LRBA: variants seen among roughly 807,000 people sequenced by gnomAD.
LRBA encodes the protein LPS responsive beige-like anchor protein, also known as lipopolysaccharide-responsive and beige-like anchor protein.
In LRBA, 176 loss-of-function variants were observed where a neutral mutation model predicts 330.0. That is an observed-to-expected ratio of 0.53 (90% confidence interval 0.47 to 0.60). The LOEUF (loss-of-function observed/expected upper bound fraction) is 0.60, where lower values mean the gene tolerates loss of function less well. Ranked by LOEUF, LRBA falls within the 20% of genes least tolerant of loss-of-function variation. The pLI, the probability that LRBA is intolerant of heterozygous loss-of-function variation, is 0.00. For missense variants in LRBA, 3,259 were observed against 3,444.8 expected (o/e 0.95, Z 1.35); for synonymous variants, 1,230 against 1,193.0 (o/e 1.03, Z -0.64).
intron 37 of LRBA, among the ~76,000 whole-genome samples, chr4:150,650,777 A>G (rs1442979416): frequency 6.6e-6 from 1 of 152,160 alleles, no homozygotes; most frequent in Non-Finnish European, 1.5e-5. Context: ...GTTTTACTTC[A>G]TTAGACAAAA....
chr4:150,796,753 T>A (rs1374477422), intron 34 of LRBA, among the ~76,000 whole-genome samples: 1 of 151,948 alleles, frequency 6.6e-6, no homozygotes, highest in Non-Finnish European at 1.5e-5. Flanking sequence ...ACCTATGAAA[T>A]AATTATATCA....
chr4:150,415,700 A>G, intron 46 of LRBA, 110 bp from the exon 47 acceptor site: 1 of 668,422 alleles, frequency 1.5e-6, no homozygotes, highest in Non-Finnish European at 2.5e-6. Context: ...AAATAAACAC[A>G]GGGAATTTTT....
intron 2 of LRBA, among the ~76,000 whole-genome samples, chr4:150,952,885 G>A (rs762176503): frequency 2.6e-5 from 4 of 152,066 alleles, no homozygotes; most frequent in Non-Finnish European, 5.9e-5. Context: ...CTCTGTGTAT[G>A]TGTCCATCTT....
chr4:150,865,536 T>C (rs962567031), intron 22 of LRBA, among the ~76,000 whole-genome samples: 3 of 152,186 alleles, frequency 2.0e-5, no homozygotes, highest in African/African-American at 7.2e-5. Flanking sequence ...AGCCATTTTA[T>C]AAAATCAGAT....
At chr4:150,855,898 A>C (rs373743898) in intron 22 of LRBA, among the ~76,000 whole-genome samples, 2 of 152,200 alleles carry the variant, frequency 1.3e-5, no homozygotes, top group Non-Finnish European at 2.9e-5. Context: ...CAAGATACAC[A>C]GAATCTGTGA....
At chr4:150,362,969 A>C (rs1181929080) in intron 47 of LRBA, among the ~76,000 whole-genome samples, 2 of 151,962 alleles carry the variant, frequency 1.3e-5, no homozygotes, top group Admixed American at 6.6e-5. Flanking sequence ...AATACAAAAA[A>C]ATAAAAAATA....
rs1210776665 is a variant in LRBA at position 150,436,720 on chromosome 4, T to C, written c.6921+4A>G. The C allele has an allele frequency of 3.1e-6, 5 of 1,609,794 alleles. No individual in the cohort carries two copies. Among genetic ancestry groups the C allele is most frequent in the Middle Eastern group, 1.6e-4 (1 of 6,066 alleles). On this transcript the variant is annotated splice_donor_region_variant and intron_variant, in intron 45 of 56. Transcript: ENST00000651943. ...CCATGGTGTATTATTCAAATTGAAC[T>C]TACTATTCTTAGCAGCCATGCAAGA...
At chr4:150,788,757 T>C (rs1225313763) in intron 34 of LRBA, among the ~76,000 whole-genome samples, 6 of 63,288 alleles carry the variant, frequency 9.5e-5, no homozygotes, top group East Asian at 3.3e-4. Flanking sequence ...TGAGACTTCG[T>C]CTCCAAAAAA....
intron 40 of LRBA, among the ~76,000 whole-genome samples, chr4:150,498,357 A>T (rs1759829471): frequency 6.6e-6 from 1 of 152,298 alleles, no homozygotes; most frequent in South Asian, 2.1e-4. Context: ...TCTCTTATTC[A>T]ACTAGCATTA....
rs369969505 is a variant in LRBA, at chr4:150,828,303, C to T, written c.5048G>A (p.Arg1683Gln). ...SKNVNVKDIL[R>Q]SLVNIPADGV... is the part of the protein sequence containing the mutation. ...ATCTGCTGGTATGTTAACCAAGCTTCGGAGAATGTCTTTCACATTGACGTT... is the reference window on the plus strand; with the variant it reads ...ATCTGCTGGTATGTTAACCAAGCTTTGGAGAATGTCTTTCACATTGACGTT... The change falls in exon 30 of 57, where the codon CGA (arginine) becomes CAA (glutamine). Residue 1683 changes from arginine to glutamine, a missense_variant. Transcript: ENST00000651943. The T allele has an allele frequency of 4.3e-6, 7 of 1,614,018 alleles. No individual in the cohort carries two copies. The highest frequency in any genetic ancestry group is 2.2e-5 in the South Asian group (2 of 91,088).
rs538927123 is a variant in LRBA, at chr4:150,416,105, G to A, written c.7042-515C>T. Among the ~76,000 whole-genome samples the A allele has an allele frequency of 2.2e-4, 34 of 152,262 alleles. 1 individual carries two copies. The South Asian group carries it at 7.0e-3, about 32-fold the overall frequency. Reference sequence around the variant, plus strand: ...ACATTTCAAAACGGTCAAGTTTAAAGATACCAACTCTGATAGAAGATCAAA... The same window carrying A: ...ACATTTCAAAACGGTCAAGTTTAAAAATACCAACTCTGATAGAAGATCAAA... On this transcript the variant is annotated intron_variant, in intron 46 of 56. Transcript: ENST00000651943.
At chr4:150,653,153 G>A (rs1779866294) in intron 37 of LRBA, among the ~76,000 whole-genome samples, 1 of 152,044 alleles carries the variant, frequency 6.6e-6, no homozygotes, top group East Asian at 1.9e-4. Context: ...GACCAGCCTC[G>A]GCAACATAGC....
intron 22 of LRBA, among the ~76,000 whole-genome samples, chr4:150,855,825 C>T (rs1022946631): frequency 3.0e-4 from 46 of 152,274 alleles, no homozygotes; most frequent in African/African-American, 1.1e-3. Context: ...CTAAGTCTAA[C>T]ACAAACCTAG....
chr4:150,967,885 C>T (rs1021761098), intron 2 of LRBA, among the ~76,000 whole-genome samples: 2 of 152,106 alleles, frequency 1.3e-5, no homozygotes, highest in African/African-American at 4.8e-5. Flanking sequence ...GACTATTCCC[C>T]CATCTCTCTT....
intron 2 of LRBA, chr4:151,013,829 T>C (rs1403546261): frequency 2.0e-5 from 3 of 152,622 alleles, no homozygotes; most frequent in Non-Finnish European, 4.4e-5. Context: ...CTGCTTCAAT[T>C]CCTTTTTTCA....
In LRBA at chr4:150,265,553, C is replaced by T; in HGVS notation, c.*169G>A. On this transcript the variant is annotated 3_prime_UTR_variant, in exon 57 of 57. Coordinates refer to ENST00000651943, the MANE Select transcript of LRBA (RefSeq NM_001364905.1). ...AGCCAGTTTTCTGCTTTGCTAATCC[C>T]CCCCAAAAAAGTCAAGCAAAGACTA... is the stretch of plus-strand genomic sequence containing the variant. 1.9e-6 allele frequency: 1 copy of T among 535,916 alleles called. No homozygotes were observed. Among genetic ancestry groups the T allele is most frequent in the Non-Finnish European group, 3.4e-6 (1 of 293,498 alleles). 33.2% of individuals were successfully genotyped at this position (535,916 alleles called of 1,614,324 possible).
At chr4:150,478,718 T>G (rs1756981277) in intron 42 of LRBA, among the ~76,000 whole-genome samples, 1 of 152,188 alleles carries the variant, frequency 6.6e-6, no homozygotes, top group African/African-American at 2.4e-5. Context: ...ATACTGTGCC[T>G]TCGTTCAAAG....
intron 35 of LRBA, among the ~76,000 whole-genome samples, chr4:150,758,467 C>T: frequency 6.6e-6 from 1 of 152,060 alleles, no homozygotes; most frequent in East Asian, 1.9e-4. Flanking sequence ...AAAATAGGTT[C>T]ATAATCCTAC....
At chr4:150,820,537 GAATT>G (rs1250675287) in intron 30 of LRBA, among the ~76,000 whole-genome samples, 2 of 151,768 alleles carry the variant, frequency 1.3e-5, no homozygotes, top group African/African-American at 4.8e-5. Context: ...TTTAAAAGCT[GAATT>G]ATTTCATATA....
Sources: gnomAD v4.1 joint callset for allele counts (sites outside exome capture counted in the v4.1 genomes callset) on GRCh38, gnomAD v4.1.1 for gene constraint, MANE v1.5 for transcripts, NCBI Gene and HGNC (gene_info 2026-07-23, HGNC 2026-07-21) for gene names.